The following NTRK1 variants were observed in gnomAD, a reference collection of about 807,000 sequenced individuals.
NTRK1 encodes the protein high affinity nerve growth factor receptor.
Under a neutral mutation model 86.8 loss-of-function variants are expected in NTRK1, and 62 were observed. That is an observed-to-expected ratio of 0.71 (90% CI 0.58 to 0.88). NTRK1 has a LOEUF of 0.88. NTRK1 is among the 40% of genes least tolerant of loss of function. The pLI is 0.00. For synonymous variants in NTRK1, 469 were observed against 456.6 expected (o/e 1.03, Z -0.35); for missense variants, 967 against 1,078.4 (o/e 0.90, Z 1.45).
chr1:156,879,563 G>C (rs975170440), intron 15 of NTRK1, among the ~76,000 whole-genome samples: 1 of 152,012 alleles, frequency 6.6e-6, no homozygotes, highest in African/African-American at 2.4e-5. Context: ...CAGCACCTTC[G>C]GTTTTTGCCT....
In NTRK1 at chr1:156,876,418, G is replaced by T. The variant is rs759471657; in HGVS notation, c.1651G>T (p.Glu551Ter). 6.2e-7 allele frequency: 1 copy of T among 1,613,724 alleles called. No individual in the cohort carries two copies. Among genetic ancestry groups the T allele is most frequent in the African/African-American group, 1.3e-5 (1 of 74,926 alleles). ...CATCCAGGCACTGAAGGAGGCGTCCGAGAGTGCTCGGCAGGACTTCCAGCG... is the reference window on the plus strand; with the variant it reads ...CATCCAGGCACTGAAGGAGGCGTCCTAGAGTGCTCGGCAGGACTTCCAGCG... ...VAVKALKEAS[E>*]SARQDFQREA... is the part of the protein sequence containing the mutation. Residue 551 changes from glutamate (E) to a stop codon, truncating the protein, a stop_gained, in exon 14 of 17, where the codon GAG becomes TAG. Transcript: ENST00000524377. LOFTEE classifies it high-confidence loss of function.
At chr1:156,831,987 T>G (rs1474692535) in intron 1 of NTRK1, among the ~76,000 whole-genome samples, 1 of 152,176 alleles carries the variant, frequency 6.6e-6, no homozygotes, top group Non-Finnish European at 1.5e-5. Flanking sequence ...CCTGACCACC[T>G]GAGGGAAGAG....
chr1:156,874,467 C>T (rs1647768427), intron 9 of NTRK1, 67 bp downstream of exon 9: 1 of 1,613,010 alleles, frequency 6.2e-7, no homozygotes, highest in Non-Finnish European at 8.5e-7. Context: ...GCAGAGGGTA[C>T]AGCTGAACTG....
At position 156,868,521 on chromosome 1, in the gene NTRK1, G is replaced by A. The variant is rs2102894252; in HGVS notation, c.591G>A (p.Lys197=). The A allele has an allele frequency of 6.4e-7, 1 of 1,559,206 alleles. No individual in the cohort carries two copies. Among genetic ancestry groups the A allele is most frequent in the South Asian group, 1.2e-5 (1 of 84,600 alleles). ...GGTGGCCAGGTGTGCCCACGCTGAA[G>A]GTCCAGGTGCCCAATGCCTCGGTGG... ...PNASCGVPTL[K]VQVPNASVDV... Residue 197 remains lysine, a synonymous_variant, in exon 6 of 17, where the codon AAG becomes AAA. Transcript: ENST00000524377.
At chr1:156,823,110 T>C (rs1363349450) in intron 1 of NTRK1, among the ~76,000 whole-genome samples, 1 of 152,236 alleles carries the variant, frequency 6.6e-6, no homozygotes, top group Non-Finnish European at 1.5e-5. Context: ...CTAGGACCTC[T>C]AGCCTGGAGG....
intron 1 of NTRK1, among the ~76,000 whole-genome samples, chr1:156,829,895 C>G (rs1365589074): frequency 1.3e-5 from 2 of 152,200 alleles, no homozygotes; most frequent in African/African-American, 4.8e-5. Flanking sequence ...TCAGGTGATC[C>G]TCCAGCCTTG....
chr1:156,859,826 G>A (rs1655546290), upstream of NTRK1, among the ~76,000 whole-genome samples: 1 of 152,086 alleles, frequency 6.6e-6, no homozygotes, highest in Admixed American at 6.5e-5. The surrounding 1 kb of genome is among the most constrained non-coding windows in gnomAD (Gnocchi z 6.2). Context: ...CTGTCTCCCC[G>A]CCAAGAGACA....
intron 1 of NTRK1, among the ~76,000 whole-genome samples, chr1:156,834,609 T>C (rs1231393731): frequency 6.6e-6 from 1 of 152,134 alleles, no homozygotes; most frequent in Non-Finnish European, 1.5e-5. Context: ...CTCTCTAAAG[T>C]AGATTTTAAA....
chr1:156,817,918 C>A (rs1000548061), intron 1 of NTRK1, among the ~76,000 whole-genome samples: 4 of 152,198 alleles, frequency 2.6e-5, no homozygotes, highest in African/African-American at 9.7e-5. Context: ...GTTGGGATTA[C>A]AGGCGTGAGC....
At chr1:156,847,767 A>G (rs1655062565) in intron 2 of NTRK1, among the ~76,000 whole-genome samples, 1 of 152,060 alleles carries the variant, frequency 6.6e-6, no homozygotes, top group South Asian at 2.1e-4. Context: ...AGGATTGGGC[A>G]GGATCTGCAG....
chr1:156,840,822 G>A (rs192806798), intron 1 of NTRK1: 397 of 1,398,446 alleles, frequency 2.8e-4, no homozygotes, highest in East Asian at 2.4e-3. Flanking sequence ...CACAGAGGTC[G>A]GGTCCCTTCC....
At chr1:156,849,434 T>C in intron 2 of NTRK1, 1 of 1,613,480 alleles carries the variant, frequency 6.2e-7, no homozygotes, top group Non-Finnish European at 8.5e-7. Flanking sequence ...TAGGTTCTGG[T>C]TGTCCAGCAC....
At chr1:156,879,510 C>T in intron 15 of NTRK1, 148 bp downstream of exon 15, 1 of 1,088,262 alleles carries the variant, frequency 9.2e-7, no homozygotes, top group Non-Finnish European at 1.3e-6. Flanking sequence ...TCCTCGGCTC[C>T]TGGTGGAGGG....
At chr1:156,838,562 G>T (rs767956226) in intron 1 of NTRK1, among the ~76,000 whole-genome samples, 10 of 152,290 alleles carry the variant, frequency 6.6e-5, no homozygotes, top group Non-Finnish European at 1.5e-4. Context: ...CCTCTCCAAA[G>T]CTTCCCTGTA....
Position 156,881,701 on chromosome 1 carries a change from CCCCCATAGCTCCCAGCAG to C in NTRK1, c.*65_*82del. The C allele has an allele frequency of 2.7e-6, 4 of 1,490,856 alleles. No homozygotes were observed. The Admixed American group carries it at 8.8e-5, about 33-fold the overall frequency. The allele number at this position is 1,490,856 out of a possible 1,614,324, so 92.4% of individuals were successfully genotyped here. ...GAATACTGGGGCCTGCCCTCAGCAT[CCCCCATAGCTCCCAGCAG>C]CCCCAGGGTGATCTCAAAGTATCTA... is the stretch of plus-strand genomic sequence containing the variant. On this transcript the variant is annotated 3_prime_UTR_variant, in exon 17 of 17. Transcript: ENST00000524377.
Position 156,815,821 on chromosome 1 carries a change from A to G in NTRK1, c.-81A>G, listed in dbSNP as rs200646544. ...GGAGCAGTAAGGGAGTGAGTGGGCA[A>G]CTCGGCGCATGAAGGAGGTACTCCT... On this transcript the variant is annotated 5_prime_UTR_variant, in exon 1 of 17. Transcript: ENST00000392302. 2,069 of 1,613,848 alleles carry G rather than the reference A, an allele frequency of 1.3e-3. 2 individuals are homozygous for G. The highest frequency in any genetic ancestry group is 1.5e-3 in the Non-Finnish European group (1,739 of 1,179,958).
intron 2 of NTRK1, chr1:156,852,152 C>A (rs756416169): frequency 6.2e-7 from 1 of 1,610,006 alleles, no homozygotes; most frequent in Non-Finnish European, 8.5e-7. Context: ...GCAGCACTCG[C>A]CCCTCGCTGT....
intron 1 of NTRK1, among the ~76,000 whole-genome samples, chr1:156,864,105 G>A (rs546709223): frequency 1.3e-5 from 2 of 152,282 alleles, no homozygotes; most frequent in Admixed American, 1.3e-4. Context: ...GTGTGAGGGT[G>A]TGGGGATCCA....
rs964771053 is a variant in NTRK1, at chr1:156,873,963, C to A, written c.1177+4C>A. ...AACCCCGAGGACCCCATCCCTGGTG[C>A]GAGGGCCATCCTGAACCCTGCCCCC... On this transcript the variant is annotated splice_donor_region_variant and intron_variant, in intron 8 of 16. Coordinates refer to ENST00000524377, the MANE Select transcript of NTRK1 (RefSeq NM_002529.4). 37 of 1,551,854 alleles carry A rather than the reference C, an allele frequency of 2.4e-5. No individual in the cohort carries two copies. Among genetic ancestry groups the A allele is most frequent in the Non-Finnish European group, 3.1e-5 (36 of 1,147,126 alleles).
Sources: gnomAD v4.1 joint callset for allele counts (sites outside exome capture counted in the v4.1 genomes callset) on GRCh38, gnomAD v4.1.1 for gene constraint, Gnocchi (gnomAD v3.1) non-coding constraint, MANE v1.5 for transcripts, NCBI Gene and HGNC (gene_info 2026-07-23, HGNC 2026-07-21) for gene names.